The following DHRS7B variants were observed in gnomAD, a reference collection of about 807,000 sequenced individuals.
DHRS7B encodes peroxisomal reductase activating PPAR-gamma.
DHRS7B carries 24 observed loss-of-function variants against 26.4 expected under a neutral mutation model. The ratio of observed to expected loss-of-function variants is 0.91; its 90% CI spans 0.66 to 1.28. The LOEUF (loss-of-function observed/expected upper bound fraction) is 1.28, where lower values mean the gene tolerates loss of function less well. Among genes scored for constraint, DHRS7B ranks in the 50% most tolerant of loss-of-function variants. DHRS7B has a pLI of 0.00. For synonymous variants in DHRS7B, 142 were observed against 166.4 expected (o/e 0.85, Z 1.13); for missense variants, 368 against 419.4 (o/e 0.88, Z 1.07).
At chr17:21,166,968 G>GTTTC in intron 1 of DHRS7B, among the ~76,000 whole-genome samples, 1 of 152,120 alleles carries the variant, frequency 6.6e-6, no homozygotes, top group South Asian at 2.1e-4. Flanking sequence ...TCTGTATGTG[G>GTTTC]TTTCTGAGTA....
intron 1 of DHRS7B, among the ~76,000 whole-genome samples, chr17:21,140,535 C>CAG (rs1973481112): frequency 6.7e-6 from 1 of 149,652 alleles, no homozygotes; most frequent in African/African-American, 2.5e-5. Flanking sequence ...CACACACACA[C>CAG]ACACCCTGAC....
chr17:21,161,170 C>T (rs2144058193), intron 1 of DHRS7B, among the ~76,000 whole-genome samples: 1 of 152,296 alleles, frequency 6.6e-6, no homozygotes, highest in African/African-American at 2.4e-5. Context: ...ATGCATAGCA[C>T]TGAGAGTGGG....
chr17:21,140,538 A>ACG (rs972677956), intron 1 of DHRS7B, among the ~76,000 whole-genome samples: 1 of 134,754 alleles, frequency 7.4e-6, no homozygotes, highest in Non-Finnish European at 1.6e-5. Context: ...ACACACACAC[A>ACG]CCCTGACACC....
chr17:21,174,647 C>T (rs1371222810), intron 2 of DHRS7B, among the ~76,000 whole-genome samples: 1 of 152,226 alleles, frequency 6.6e-6, no homozygotes, highest in Non-Finnish European at 1.5e-5. Context: ...AGGTTTGAGG[C>T]AGTCATCTCC....
intron 1 of DHRS7B, among the ~76,000 whole-genome samples, chr17:21,131,464 A>AATGAGCAGTGAGG (rs1374227112): frequency 1.3e-5 from 2 of 152,232 alleles, no homozygotes; most frequent in South Asian, 4.1e-4. Flanking sequence ...ATTAGCATAT[A>AATGAGCAGTGAGG]ATGAGCAGTG....
intron 1 of DHRS7B, among the ~76,000 whole-genome samples, chr17:21,135,465 A>T (rs905006805): frequency 6.6e-6 from 1 of 152,236 alleles, no homozygotes; most frequent in African/African-American, 2.4e-5. Flanking sequence ...ATATCACAAA[A>T]TAGGATCACA....
At chr17:21,155,424 T>C (rs1268892372) in intron 1 of DHRS7B, among the ~76,000 whole-genome samples, 1 of 152,176 alleles carries the variant, frequency 6.6e-6, no homozygotes, top group African/African-American at 2.4e-5. Context: ...AGATCAATCC[T>C]CCAATAAGAC....
At chr17:21,177,642 T>C (rs8080379) in intron 2 of DHRS7B, among the ~76,000 whole-genome samples, 128,993 of 152,110 alleles carry the variant, frequency 0.85, 54,861 homozygotes, top group Middle Eastern at 0.88. Context: ...GCCAGTGAGG[T>C]TGTTAGACCC....
intron 6 of DHRS7B, among the ~76,000 whole-genome samples, chr17:21,189,576 G>T (rs894127537): frequency 2.0e-5 from 3 of 152,192 alleles, no homozygotes; most frequent in African/African-American, 7.2e-5. Context: ...TGTGATGTCT[G>T]CCAGGGGCCT....
intron 1 of DHRS7B, among the ~76,000 whole-genome samples, chr17:21,159,438 G>A (rs1444589544): frequency 1.3e-5 from 2 of 149,524 alleles, no homozygotes; most frequent in Non-Finnish European, 3.0e-5. Flanking sequence ...TGTATTTTTA[G>A]TAGAGACGGG....
At chr17:21,189,007 T>C in intron 6 of DHRS7B, 144 bp downstream of exon 6, 1 of 1,083,636 alleles carries the variant, frequency 9.2e-7, no homozygotes, top group Non-Finnish European at 1.3e-6. Context: ...AGGTGTTGGT[T>C]CTAGATATGG....
At chr17:21,188,382 C>T (rs1974697701) in intron 5 of DHRS7B, among the ~76,000 whole-genome samples, 2 of 152,158 alleles carry the variant, frequency 1.3e-5, no homozygotes, top group South Asian at 4.1e-4. Flanking sequence ...ACATGATGCT[C>T]ATTTATTCCT....
intron 3 of DHRS7B, among the ~76,000 whole-genome samples, chr17:21,180,434 A>G (rs568553623): frequency 2.6e-5 from 4 of 152,150 alleles, no homozygotes; most frequent in Admixed American, 6.5e-5. Flanking sequence ...ATTTTTATAC[A>G]TGGTATTAGG....
chr17:21,170,223 G>T (rs556063490), intron 1 of DHRS7B, among the ~76,000 whole-genome samples: 1 of 152,222 alleles, frequency 6.6e-6, no homozygotes, highest in East Asian at 1.9e-4. Context: ...CTGTTTTCAG[G>T]ATCTTGGTCC....
chr17:21,186,275 C>G (rs1464583400), intron 5 of DHRS7B, among the ~76,000 whole-genome samples: 1 of 152,252 alleles, frequency 6.6e-6, no homozygotes, highest in Non-Finnish European at 1.5e-5. Context: ...CTGGGCCTCA[C>G]ACTGGCAGGG....
chr17:21,144,654 C>A (rs1019980301), intron 1 of DHRS7B, among the ~76,000 whole-genome samples: 6 of 151,894 alleles, frequency 4.0e-5, no homozygotes, highest in Non-Finnish European at 5.9e-5. Flanking sequence ...GCTGTCTCTA[C>A]TAAAAATACA....
At chr17:21,166,889 A>T (rs1056706523) in intron 1 of DHRS7B, among the ~76,000 whole-genome samples, 1 of 152,044 alleles carries the variant, frequency 6.6e-6, no homozygotes, top group African/African-American at 2.4e-5. Flanking sequence ...TGTTCTTTTT[A>T]AAAAAAACTT....
At chr17:21,190,247 G>A (rs1347352849) in intron 6 of DHRS7B, among the ~76,000 whole-genome samples, 1 of 152,106 alleles carries the variant, frequency 6.6e-6, no homozygotes, top group Non-Finnish European at 1.5e-5. Flanking sequence ...TACTTTGCGG[G>A]CAAAATTGTC....
chr17:21,158,019 C>A (rs892700693), intron 1 of DHRS7B, among the ~76,000 whole-genome samples: 2 of 152,046 alleles, frequency 1.3e-5, no homozygotes, highest in Non-Finnish European at 2.9e-5. Flanking sequence ...ATATCAGTAG[C>A]TGCAGAGAAA....
Sources: gnomAD v4.1 joint callset for allele counts (sites outside exome capture counted in the v4.1 genomes callset) on GRCh38, gnomAD v4.1.1 for gene constraint, MANE v1.5 for transcripts, NCBI Gene and HGNC (gene_info 2026-07-23, HGNC 2026-07-21) for gene names.